UNC13B: variants seen among roughly 807,000 people sequenced by gnomAD.
The protein encoded by UNC13B is unc-13 homolog B.
Under a neutral mutation model 211.0 loss-of-function variants are expected in UNC13B, and 144 were observed. The ratio of observed to expected loss-of-function variants is 0.68; its 90% CI spans 0.60 to 0.78. The LOEUF (loss-of-function observed/expected upper bound fraction) is 0.78, where lower values mean the gene tolerates loss of function less well. Among genes scored for constraint, UNC13B ranks in the 30% least tolerant of loss-of-function variants. The pLI is 0.00. For synonymous variants in UNC13B, 709 were observed against 725.8 expected (o/e 0.98, Z 0.37); for missense variants, 1,777 against 2,002.0 (o/e 0.89, Z 2.14).
At chr9:35,400,611 C>T (rs916516304) in intron 37 of UNC13B, among the ~76,000 whole-genome samples, 168 bp downstream of exon 37, 5 of 152,220 alleles carry the variant, frequency 3.3e-5, no homozygotes, top group African/African-American at 1.2e-4. Flanking sequence ...ACCTCCACCC[C>T]ATACCCATTA....
chr9:35,338,733 C>A, intron 11 of UNC13B, among the ~76,000 whole-genome samples: 1 of 152,314 alleles, frequency 6.6e-6, no homozygotes, highest in East Asian at 1.9e-4. Context: ...CCTTTGTACT[C>A]TGCGTCTGTG....
chr9:35,167,070 T>C (rs1024242721), intron 1 of UNC13B, among the ~76,000 whole-genome samples: 21 of 151,826 alleles, frequency 1.4e-4, no homozygotes, highest in African/African-American at 3.9e-4. Context: ...TGTTAGTGTA[T>C]TTTTTTTATT....
At position 35,306,457 on chromosome 9, in the gene UNC13B, C is replaced by T. The variant is rs1829927896; in HGVS notation, c.7053C>T (p.Asn2351=). 2.5e-6 allele frequency: 1 copy of T among 398,890 alleles called. No individual in the cohort carries two copies. The highest frequency in any genetic ancestry group is 4.4e-6 in the Non-Finnish European group (1 of 226,052). The allele number at this position is 398,890 out of a possible 1,614,324, so 24.7% of individuals were successfully genotyped here. ...AAACATTCCTCACTGGCCCAGAGAA[C>T]CTTGGGATAGCTCCCCATGAAGAAG... ...QAETFLTGPE[N]LGIAPHEEEA... Residue 2351 remains asparagine, a synonymous_variant, in exon 9 of 40, where the codon AAC becomes AAT. Transcript: ENST00000635942.
Position 35,200,462 on chromosome 9 carries a change from C to A in UNC13B, c.23-27553C>A, listed in dbSNP as rs528900358. On this transcript the variant is annotated intron_variant, in intron 1 of 39. Coordinates refer to ENST00000635942, the MANE Select transcript of UNC13B (RefSeq NM_001371189.2). ...TTTTCACAATATTCATTCTTCCTAT[C>A]CATGAGCATGGAATGTTCTTCCATT... is the stretch of plus-strand genomic sequence containing the variant. 7.7e-4 allele frequency among the ~76,000 whole-genome samples: 117 copies of A among 152,312 alleles called. 2 individuals carry two copies. The South Asian group carries it at 0.019, about 25-fold the overall frequency.
At chr9:35,366,664 T>C (rs1833790442) in intron 11 of UNC13B, among the ~76,000 whole-genome samples, 1 of 152,196 alleles carries the variant, frequency 6.6e-6, no homozygotes, top group African/African-American at 2.4e-5. Flanking sequence ...ATGGCTCATA[T>C]AAGAGTGATA....
chr9:35,325,472 C>T (rs1217915958), intron 11 of UNC13B, among the ~76,000 whole-genome samples: 2 of 152,198 alleles, frequency 1.3e-5, no homozygotes, highest in Middle Eastern at 3.2e-3. Context: ...GATACACTGC[C>T]GTTGTACTCT....
intron 1 of UNC13B, among the ~76,000 whole-genome samples, chr9:35,225,168 G>T (rs1166599847): frequency 1.3e-5 from 2 of 152,030 alleles, no homozygotes; most frequent in African/African-American, 2.4e-5. Flanking sequence ...GTTTGTTGTT[G>T]TTGTTATTTT....
At position 35,303,962 on chromosome 9, in the gene UNC13B, G is replaced by T; in HGVS notation, c.4558G>T (p.Val1520Leu). ...QEWLSCLEHG[V>L]WWPSEDGDYG... ...ATGGTTGTCATGTCTTGAACATGGA[G>T]TGTGGTGGCCATCAGAGGATGGGGA... Residue 1520 changes from valine (V) to leucine (L), a missense_variant, in exon 9 of 40, where the codon GTG becomes TTG. Val to Leu is a conservative substitution (Grantham distance 32). Transcript: ENST00000635942. 1 of 398,788 alleles carries T rather than the reference G, an allele frequency of 2.5e-6. No homozygotes were observed. The highest frequency in any genetic ancestry group is 3.6e-5 in the East Asian group (1 of 28,074). 24.7% of individuals were successfully genotyped at this position (398,788 alleles called of 1,614,324 possible).
At chr9:35,357,692 A>G (rs563876931) in intron 11 of UNC13B, among the ~76,000 whole-genome samples, 14 of 151,960 alleles carry the variant, frequency 9.2e-5, no homozygotes, top group African/African-American at 2.9e-4. Flanking sequence ...ATTTGAGACC[A>G]GCCTGGCCAA....
chr9:35,342,142 A>T lies in UNC13B; in HGVS notation c.9415-24805A>T, dbSNP rs139837439. 8.8e-3 allele frequency: 8,647 copies of T among 985,438 alleles called. 43 individuals carry two copies. The highest frequency in any genetic ancestry group is 1.0e-2 in the Non-Finnish European group (8,258 of 829,944). 61.0% of individuals were successfully genotyped at this position (985,438 alleles called of 1,614,324 possible). A position where few individuals can be genotyped will look rare whatever the true frequency, so the allele number is the denominator to read the frequency against. On this transcript the variant is annotated intron_variant, in intron 11 of 39. Coordinates refer to ENST00000635942, the MANE Select transcript of UNC13B (RefSeq NM_001371189.2). ...CCAGCTGGGTGCAACTGAGAATATT[A>T]GCTCCTTGGGTCTGTTTGTCGGTTG...
At chr9:35,327,734 G>T (rs1239810450) in intron 11 of UNC13B, among the ~76,000 whole-genome samples, 1 of 152,096 alleles carries the variant, frequency 6.6e-6, no homozygotes, top group Non-Finnish European at 1.5e-5. Context: ...CTCCAGTCAG[G>T]TTGACACCTA....
chr9:35,276,086 G>A (rs958054727), intron 7 of UNC13B, among the ~76,000 whole-genome samples: 1 of 151,946 alleles, frequency 6.6e-6, no homozygotes, highest in Admixed American at 6.6e-5. Context: ...TGGGCAGGTT[G>A]TTTGAGCTCA....
chr9:35,346,711 T>G (rs1471702250), intron 11 of UNC13B, among the ~76,000 whole-genome samples: 1 of 152,126 alleles, frequency 6.6e-6, no homozygotes, highest in Admixed American at 6.5e-5. Context: ...GTATGAAATT[T>G]GGAGAGTTGT....
intron 6 of UNC13B, among the ~76,000 whole-genome samples, chr9:35,250,147 T>C (rs1232711546): frequency 6.6e-6 from 1 of 152,204 alleles, no homozygotes; most frequent in Non-Finnish European, 1.5e-5. Context: ...CACTGTGCTG[T>C]TTATCTTTTT....
chr9:35,207,732 GT>G (rs554283872), intron 1 of UNC13B, among the ~76,000 whole-genome samples: 148 of 152,082 alleles, frequency 9.7e-4, no homozygotes, highest in African/African-American at 3.4e-3. Context: ...AATTGTATGT[GT>G]TCTTTATGTA....
intron 1 of UNC13B, among the ~76,000 whole-genome samples, chr9:35,170,379 T>G (rs1246204250): frequency 6.6e-6 from 1 of 152,146 alleles, no homozygotes; most frequent in Non-Finnish European, 1.5e-5. Flanking sequence ...TTGGCCAGGC[T>G]GGTCTCTAAC....
At chr9:35,269,407 C>T (rs894010778) in intron 7 of UNC13B, among the ~76,000 whole-genome samples, 43 of 152,346 alleles carry the variant, frequency 2.8e-4, no homozygotes, top group African/African-American at 1.0e-3. Flanking sequence ...ACTACTCTCC[C>T]TGTGGGTGCA....
intron 6 of UNC13B, among the ~76,000 whole-genome samples, chr9:35,245,695 G>A (rs1826055101): frequency 6.6e-6 from 1 of 151,834 alleles, no homozygotes; most frequent in South Asian, 2.1e-4. Context: ...ATTTTTTATG[G>A]CTGTATAGTA....
rs1048215993 is a variant in UNC13B, at chr9:35,181,756, G to C, written c.22+19451G>C. Among the ~76,000 whole-genome samples the C allele has an allele frequency of 2.6e-5, 4 of 152,210 alleles. No homozygotes were observed. In the East Asian group the frequency reaches 7.7e-4, roughly 29 times the overall value. ...GGAGGCTGAGGCAGTAGAATTGCTT[G>C]AACCCAGGAGGTGGAGGTTGCAGTG... On this transcript the variant is annotated intron_variant, in intron 1 of 39. Coordinates refer to ENST00000635942, the MANE Select transcript of UNC13B (RefSeq NM_001371189.2).
Sources: allele counts gnomAD v4.1 joint callset (sites outside exome capture counted in the v4.1 genomes callset), GRCh38; gene constraint gnomAD v4.1.1; transcripts MANE v1.5; gene names NCBI Gene and HGNC (gene_info 2026-07-23, HGNC 2026-07-21).